ZNF468: variants seen among roughly 807,000 people sequenced by gnomAD.
The protein encoded by ZNF468 is zinc finger protein ZNF468.
Under a neutral mutation model 7.2 loss-of-function variants are expected in ZNF468, and 8 were observed. That is an observed-to-expected ratio of 1.11 (90% CI 0.65 to 2.01). The LOEUF is 2.01. Ranked by LOEUF, ZNF468 falls within the 30% of genes most tolerant of loss-of-function variation. The probability of loss-of-function intolerance (pLI) is 0.00; values close to 1 mark genes in which losing one functional copy is unlikely to be tolerated. For missense variants in ZNF468, 608 were observed against 626.5 expected (o/e 0.97, Z 0.31); for synonymous variants, 218 against 214.4 (o/e 1.02, Z -0.15).
chr19:52,851,697 C>T (rs922634100), intron 2 of ZNF468, among the ~76,000 whole-genome samples: 34 of 149,474 alleles, frequency 2.3e-4, no homozygotes, highest in African/African-American at 6.9e-4. Flanking sequence ...GCTAAGATCA[C>T]GCCACTGCAC....
At chr19:52,847,472 G>T (rs1190935561) in intron 3 of ZNF468, among the ~76,000 whole-genome samples, 2 of 148,938 alleles carry the variant, frequency 1.3e-5, no homozygotes, top group African/African-American at 5.0e-5. Context: ...CACCTGTAAA[G>T]AGCCTGTGCT....
At position 52,839,732 on chromosome 19, in the gene ZNF468, A is replaced by C. The variant is rs73936429; in HGVS notation, c.*993T>G. The C allele has an allele frequency of 7.0e-3, 3,635 of 518,430 alleles. 123 individuals are homozygous for C. The highest frequency in any genetic ancestry group is 0.063 in the African/African-American group (3,281 of 51,674). The allele number at this position is 518,430 out of a possible 1,614,324, so 32.1% of individuals were successfully genotyped here. On this transcript the variant is annotated 3_prime_UTR_variant, in exon 4 of 4. Transcript: ENST00000595646. ...GTTTCTCTCCTGTATGAATCCTCCT[A>C]TGTTTTGCATAGGATGAAGCTTGAC...
chr19:52,840,864 C>A lies in ZNF468; in HGVS notation c.1430G>T (p.Gly477Val), dbSNP rs762560920. The A allele has an allele frequency of 7.5e-6, 12 of 1,594,916 alleles. No homozygotes were observed. The highest frequency in any genetic ancestry group is 3.4e-5 in the Admixed American group (2 of 58,058). ...ATGGATTATAAGCGATGATGTCTGA[C>A]CGAAGGTCTTGCCACACTCATTACA... ...YKCNECGKTF[G>V]QTSSLIIHRR... Residue 477 changes from glycine to valine, a missense_variant, in exon 4 of 4, where the codon GGT becomes GTT. By Grantham distance (109) the Gly-to-Val change is moderately radical (BLOSUM62 -3). Transcript: ENST00000595646.
In ZNF468 at chr19:52,840,083, A is replaced by T. The variant is rs1428969263; in HGVS notation, c.*642T>A. ...ATTCTAGTATGGGGTGCCACGTGTG[A>T]ATCATTCCCGAAAGCCTTGTCACAA... On this transcript the variant is annotated 3_prime_UTR_variant, in exon 4 of 4. Coordinates refer to ENST00000595646, the MANE Select transcript of ZNF468 (RefSeq NM_001008801.2). 1 of 914,566 alleles carries T rather than the reference A, an allele frequency of 1.1e-6. No individual in the cohort carries two copies. The highest frequency in any genetic ancestry group is 1.6e-6 in the Non-Finnish European group (1 of 644,124). The allele number at this position is 914,566 out of a possible 1,614,324, so 56.7% of individuals were successfully genotyped here.
In ZNF468 at chr19:52,839,755, G is replaced by C. The variant is rs533837533; in HGVS notation, c.*970C>G. ...CTATGTTTTGCATAGGATGAAGCTT[G>C]ACTGAAGACCTTGCCTCAATCATGA... On this transcript the variant is annotated 3_prime_UTR_variant, in exon 4 of 4. Transcript: ENST00000595646. 32 of 500,254 alleles carry C rather than the reference G, an allele frequency of 6.4e-5. No individual in the cohort carries two copies. The East Asian group carries it at 1.8e-3, about 28-fold the overall frequency. The allele number at this position is 500,254 out of a possible 1,614,324, so 31.0% of individuals were successfully genotyped here. A position where few individuals can be genotyped will look rare whatever the true frequency, so the allele number is the denominator to read the frequency against.
Position 52,840,241 on chromosome 19 carries a change from C to T in ZNF468, c.*484G>A. Reference sequence around the variant, plus strand: ...GCAGTATGAAGTCTATGATGACTTGCAAGGTGTGATTGTTGATTAAAAACC... The same window carrying T: ...GCAGTATGAAGTCTATGATGACTTGTAAGGTGTGATTGTTGATTAAAAACC... On this transcript the variant is annotated 3_prime_UTR_variant, in exon 4 of 4. Coordinates refer to ENST00000595646, the MANE Select transcript of ZNF468 (RefSeq NM_001008801.2). 1 of 397,562 alleles carries T rather than the reference C, an allele frequency of 2.5e-6. No homozygotes were observed. Among genetic ancestry groups the T allele is most frequent in the Non-Finnish European group, 5.0e-6 (1 of 200,056 alleles). The allele number at this position is 397,562 out of a possible 1,614,324, so 24.6% of individuals were successfully genotyped here. A position where few individuals can be genotyped will look rare whatever the true frequency, so the allele number is the denominator to read the frequency against.
intron 2 of ZNF468, among the ~76,000 whole-genome samples, chr19:52,851,850 T>TTA (rs745382489): frequency 2.3e-4 from 35 of 152,250 alleles, no homozygotes; most frequent in Non-Finnish European, 4.7e-4. Context: ...AGAAATTAGA[T>TTA]GTTAAGAAAA....
intron 1 of ZNF468, among the ~76,000 whole-genome samples, chr19:52,855,812 G>A (rs1319568115): frequency 5.9e-5 from 9 of 152,200 alleles, no homozygotes; most frequent in Admixed American, 3.3e-4. Flanking sequence ...TCATTTCAGG[G>A]GTCAGGATCA....
intron 3 of ZNF468, among the ~76,000 whole-genome samples, chr19:52,843,818 C>A (rs2063323599): frequency 6.6e-6 from 1 of 152,084 alleles, no homozygotes; most frequent in African/African-American, 2.4e-5. Context: ...CACAGCTTTA[C>A]CAGGAACAAG....
intron 2 of ZNF468, among the ~76,000 whole-genome samples, chr19:52,852,012 G>A (rs1568682553): frequency 2.0e-5 from 3 of 152,056 alleles, no homozygotes; most frequent in African/African-American, 7.3e-5. Context: ...TAACTGAAGA[G>A]GAATCTCGCC....
chr19:52,857,473 G>A (rs946974773), intron 1 of ZNF468, 99 bp downstream of exon 1: 2 of 152,368 alleles, frequency 1.3e-5, no homozygotes, highest in Admixed American at 6.5e-5. Context: ...AAGGAAGAAA[G>A]GCGAGAACTT....
At position 52,839,521 on chromosome 19, in the gene ZNF468, AC is replaced by A. The variant is rs1864302363; in HGVS notation, c.*1203del. On this transcript the variant is annotated 3_prime_UTR_variant, in exon 4 of 4. Coordinates refer to ENST00000595646, the MANE Select transcript of ZNF468 (RefSeq NM_001008801.2). ...CAATTAATGCTTGATGGTTTGCTAT[AC>A]TCACTGCATTTGAAACAACTGTCTC... The A allele has an allele frequency of 2.1e-6, 1 of 487,622 alleles. No homozygotes were observed. Among genetic ancestry groups the A allele is most frequent in the Non-Finnish European group, 4.1e-6 (1 of 243,116 alleles). 30.2% of individuals were successfully genotyped at this position (487,622 alleles called of 1,614,324 possible). A position where few individuals can be genotyped will look rare whatever the true frequency, so the allele number is the denominator to read the frequency against.
chr19:52,844,242 C>T (rs776841777), intron 3 of ZNF468, among the ~76,000 whole-genome samples: 2 of 152,262 alleles, frequency 1.3e-5, no homozygotes, highest in East Asian at 1.9e-4. Flanking sequence ...GTTGACTACT[C>T]GTGAATAGGA....
chr19:52,854,861 C>T (rs1221185668), intron 1 of ZNF468, among the ~76,000 whole-genome samples: 1 of 151,986 alleles, frequency 6.6e-6, no homozygotes, highest in Non-Finnish European at 1.5e-5. Context: ...CCTGTCTCTA[C>T]TAAAAATACA....
chr19:52,849,012 GGGGTTCCTAA>G, intron 3 of ZNF468, 65 bp downstream of exon 3: 1 of 1,126,648 alleles, frequency 8.9e-7, no homozygotes, highest in Non-Finnish European at 1.2e-6. Context: ...AAGGAACAAT[GGGGTTCCTAA>G]GAGACAATAA....
chr19:52,849,073 G>A lies in ZNF468; in HGVS notation c.142+14C>T. On this transcript the variant is annotated intron_variant, in intron 3 of 3. Transcript: ENST00000595646. ...TACACAAGGGCACATCCCCAGGAGG[G>A]AAGTTATCCTCACCCAGGGAGACGA... 1 of 1,613,386 alleles carries A rather than the reference G, an allele frequency of 6.2e-7. No individual in the cohort carries two copies. The highest frequency in any genetic ancestry group is 8.5e-7 in the Non-Finnish European group (1 of 1,179,714).
chr19:52,839,805 T>C lies in ZNF468; in HGVS notation c.*920A>G. ...ACATTTATAAGGTTTCTCTCCAGCA[T>C]GAGTTCACCAGTGAAATGCAAGGCA... is the stretch of plus-strand genomic sequence containing the variant. On this transcript the variant is annotated 3_prime_UTR_variant, in exon 4 of 4. Transcript: ENST00000595646. 2.0e-6 allele frequency: 1 copy of C among 507,248 alleles called. No homozygotes were observed. The highest frequency in any genetic ancestry group is 1.6e-5 in the South Asian group (1 of 62,884). 31.4% of individuals were successfully genotyped at this position (507,248 alleles called of 1,614,324 possible).
rs577356655 is a variant in ZNF468, at chr19:52,856,118, C to T, written c.-74+1454G>A. ...TGAATTCTTCCTTACAAGAAAATCACACTAACATTTATAAAATGCAGCAGT... is the reference window on the plus strand; with the variant it reads ...TGAATTCTTCCTTACAAGAAAATCATACTAACATTTATAAAATGCAGCAGT... On this transcript the variant is annotated intron_variant, in intron 1 of 3. Transcript: ENST00000595646. 8.3e-4 allele frequency among the ~76,000 whole-genome samples: 126 copies of T among 152,354 alleles called. 5 individuals carry two copies. The highest frequency in any genetic ancestry group is 1.9e-3 in the South Asian group (9 of 4,830).
chr19:52,842,152 C>T lies in ZNF468; in HGVS notation c.143-1G>A, dbSNP rs2063309508. On this transcript the variant is annotated splice_acceptor_variant, in intron 3 of 3. Transcript: ENST00000595646. LOFTEE classifies it high-confidence loss of function. ...TTCAACATGCATTTGGAAGAGATAT[C>T]TACAAAATTTAAACACCAATAGGTT... is the stretch of plus-strand genomic sequence containing the variant. 2 of 1,579,696 alleles carry T rather than the reference C, an allele frequency of 1.3e-6. No homozygotes were observed. Among genetic ancestry groups the T allele is most frequent in the East Asian group, 2.2e-5 (1 of 44,540 alleles).
Sources: allele counts gnomAD v4.1 joint callset (sites outside exome capture counted in the v4.1 genomes callset), GRCh38; gene constraint gnomAD v4.1.1; transcripts MANE v1.5; gene names NCBI Gene and HGNC (gene_info 2026-07-23, HGNC 2026-07-21).